Variants in AFTPH observed in about 807,000 individuals in gnomAD.
AFTPH encodes the protein aftiphilin.
A neutral mutation model predicts 72.5 loss-of-function variants in AFTPH; 7 were observed. The observed-to-expected ratio is 0.10, with a 90% CI of 0.05 to 0.18. AFTPH has a LOEUF of 0.18. Ranked by LOEUF, AFTPH falls within the 10% of genes least tolerant of loss-of-function variation. AFTPH has a pLI of 1.00. For missense variants in AFTPH, 979 were observed against 1,060.5 expected, an observed-to-expected ratio of 0.92 and a Z score of 1.07; for synonymous variants, 337 against 370.1, an observed-to-expected ratio of 0.91 and a Z score of 1.03.
chr2:64,547,795 G>A (rs1670741889), intron 1 of AFTPH, among the ~76,000 whole-genome samples: 1 of 151,584 alleles, frequency 6.6e-6, no homozygotes, highest in African/African-American at 2.4e-5. Context: ...TTTATTTAAT[G>A]TTTTTGAGAC....
intron 6 of AFTPH, among the ~76,000 whole-genome samples, chr2:64,575,407 C>G (rs1672703029): frequency 6.6e-6 from 1 of 152,090 alleles, no homozygotes; most frequent in South Asian, 2.1e-4. Flanking sequence ...AGGTGGATTG[C>G]TTGAGCCCAG....
chr2:64,529,982 C>T (rs958264729), intron 1 of AFTPH, among the ~76,000 whole-genome samples: 2 of 152,068 alleles, frequency 1.3e-5, no homozygotes, highest in Non-Finnish European at 2.9e-5. Context: ...GGTGAAACCC[C>T]GTCTCTTCTA....
At chr2:64,526,778 C>G (rs773444219) in intron 1 of AFTPH, among the ~76,000 whole-genome samples, 11 of 152,122 alleles carry the variant, frequency 7.2e-5, no homozygotes, top group Non-Finnish European at 1.6e-4. Context: ...ATATGTTGCT[C>G]ATATATATTG....
intron 7 of AFTPH, chr2:64,580,285 C>T (rs767734698): frequency 6.6e-6 from 1 of 152,634 alleles, no homozygotes; most frequent in Non-Finnish European, 1.5e-5. Flanking sequence ...TTGTTCGAGC[C>T]ATTGTCTAAA....
At chr2:64,586,921 ATTG>A (rs981149127) in intron 8 of AFTPH, among the ~76,000 whole-genome samples, 2 of 152,320 alleles carry the variant, frequency 1.3e-5, no homozygotes, top group African/African-American at 4.8e-5. Context: ...GGATGCTTTT[ATTG>A]TTTGGGTTTC....
At chr2:64,559,704 C>T (rs190627415) in intron 2 of AFTPH, among the ~76,000 whole-genome samples, 13 of 152,138 alleles carry the variant, frequency 8.5e-5, no homozygotes, top group Non-Finnish European at 1.2e-4. Context: ...CATGTTTTCG[C>T]GTTCTTTGGT....
At chr2:64,579,752 A>ATAGTAG in intron 7 of AFTPH, 1 of 408,636 alleles carries the variant, frequency 2.4e-6, no homozygotes, top group Non-Finnish European at 4.3e-6. Flanking sequence ...AATATAGGTA[A>ATAGTAG]TAGTAGTTAG....
chr2:64,569,025 T>C (rs1672259888), intron 3 of AFTPH, 67 bp from the exon 4 acceptor site: 1 of 1,568,582 alleles, frequency 6.4e-7, no homozygotes, highest in African/African-American at 1.4e-5. Flanking sequence ...AGCCATATTA[T>C]AAGTAGAACT....
chr2:64,592,650 T>C (rs978232883), exon 9 of AFTPH: 2 of 152,582 alleles, frequency 1.3e-5, no homozygotes, highest in African/African-American at 4.8e-5. Flanking sequence ...CAGAACTTGA[T>C]TGGAGGGGTT....
At chr2:64,590,245 TC>T (rs1673743874) in intron 8 of AFTPH, among the ~76,000 whole-genome samples, 1 of 152,240 alleles carries the variant, frequency 6.6e-6, no homozygotes, top group South Asian at 2.1e-4. Context: ...AGTATAGGTG[TC>T]CTACAGAATG....
chr2:64,550,677 G>GCACACACACACACACACACA (rs56139158), intron 1 of AFTPH, among the ~76,000 whole-genome samples: 2 of 130,152 alleles, frequency 1.5e-5, no homozygotes, highest in Non-Finnish European at 3.2e-5. Context: ...CTGTACGCAT[G>GCACACACACACACACACACA]CACACACACA....
intron 6 of AFTPH, among the ~76,000 whole-genome samples, chr2:64,573,690 C>G (rs1161908982): frequency 6.6e-6 from 1 of 152,052 alleles, no homozygotes; most frequent in Non-Finnish European, 1.5e-5. Context: ...TGGAGTCTTG[C>G]TGTGTCTCCC....
chr2:64,555,214 T>C (rs1172364754), intron 2 of AFTPH, among the ~76,000 whole-genome samples: 1 of 152,180 alleles, frequency 6.6e-6, no homozygotes, highest in Non-Finnish European at 1.5e-5. Flanking sequence ...TTTTATAGTA[T>C]GATTCTTTTT....
intron 5 of AFTPH, among the ~76,000 whole-genome samples, chr2:64,569,968 A>C (rs1256385599): frequency 6.6e-6 from 1 of 152,188 alleles, no homozygotes; most frequent in Non-Finnish European, 1.5e-5. Context: ...TTTCTTTTCT[A>C]AACTTGCTTT....
chr2:64,575,792 G>A (rs555087280), intron 6 of AFTPH, among the ~76,000 whole-genome samples: 5 of 150,146 alleles, frequency 3.3e-5, no homozygotes, highest in Admixed American at 6.7e-5. Context: ...AGGCTGGAGT[G>A]CAGTGGCATG....
rs145180908 is a variant in AFTPH at position 64,587,132 on chromosome 2, C to G, written c.2579+1587C>G. Among the ~76,000 whole-genome samples, 42 of 152,310 alleles carry G rather than the reference C, an allele frequency of 2.8e-4. No individual in the cohort carries two copies. In the East Asian group the frequency reaches 8.1e-3, roughly 29 times the overall value. On this transcript the variant is annotated intron_variant, in intron 8 of 8. Coordinates refer to ENST00000238856, the Ensembl canonical transcript of AFTPH. ...TTCGTTAACTCATCCTTGAAACATGCTGAATCTAGAGAACTCTTCCAAGCC... is the reference window on the plus strand; with the variant it reads ...TTCGTTAACTCATCCTTGAAACATGGTGAATCTAGAGAACTCTTCCAAGCC...
intron 2 of AFTPH, among the ~76,000 whole-genome samples, chr2:64,555,084 G>A (rs1034317833): frequency 6.6e-6 from 1 of 152,084 alleles, no homozygotes; most frequent in African/African-American, 2.4e-5. Context: ...TATGATTTTT[G>A]GATAGGTTAC....
At chr2:64,580,149 A>T (rs1238971901) in intron 7 of AFTPH, 1 of 152,666 alleles carries the variant, frequency 6.6e-6, no homozygotes, top group Non-Finnish European at 1.5e-5. Flanking sequence ...AAAAGGAATA[A>T]CTTATTTCAG....
intron 1 of AFTPH, among the ~76,000 whole-genome samples, chr2:64,527,557 G>A (rs1367609959): frequency 6.8e-6 from 1 of 147,188 alleles, no homozygotes; most frequent in African/African-American, 2.6e-5. Context: ...TCCAGCCTGG[G>A]CAACAAGAGC....
Sources: allele counts gnomAD v4.1 joint callset (sites outside exome capture counted in the v4.1 genomes callset), GRCh38; gene constraint gnomAD v4.1.1; transcripts MANE v1.5; gene names NCBI Gene and HGNC (gene_info 2026-07-23, HGNC 2026-07-21).